The following SLC14A2 variants were observed in gnomAD, a reference collection of about 807,000 sequenced individuals.
SLC14A2 encodes solute carrier family 14 member 2, also known as urea transporter 2.
A neutral mutation model predicts 104.6 loss-of-function variants in SLC14A2; 91 were observed. That is an observed-to-expected ratio of 0.87 (90% CI 0.73 to 1.04). The LOEUF (loss-of-function observed/expected upper bound fraction) is 1.04. Among genes scored for constraint, SLC14A2 ranks in the 50% least tolerant of loss-of-function variants. The pLI, the probability that SLC14A2 is intolerant of heterozygous loss-of-function variation, is 0.00. For synonymous variants in SLC14A2, 476 were observed against 466.4 expected, an observed-to-expected ratio of 1.02 and a Z score of -0.27; for missense variants, 1,189 against 1,156.0, an observed-to-expected ratio of 1.03 and a Z score of -0.41.
intron 1 of SLC14A2, among the ~76,000 whole-genome samples, chr18:45,399,337 G>T (rs983047503): frequency 6.6e-6 from 1 of 152,194 alleles, no homozygotes; most frequent in African/African-American, 2.4e-5. Context: ...AGGCAAGCTT[G>T]CAGTGCTGAG....
rs367643331 is a variant in SLC14A2, at chr18:45,557,218, C to A, written c.-34-67413C>A. On this transcript the variant is annotated intron_variant, in intron 2 of 20. Coordinates refer to the SLC14A2 transcript ENST00000586448. Reference sequence around the variant, plus strand: ...CAGTTCAATAGACATTTGACTGCTGCAGCTTTGTAACCTGCTTCATTCTCA... The same window carrying A: ...CAGTTCAATAGACATTTGACTGCTGAAGCTTTGTAACCTGCTTCATTCTCA... Among the ~76,000 whole-genome samples, 7 of 152,344 alleles carry A rather than the reference C, an allele frequency of 4.6e-5. 1 individual carries two copies. The East Asian group carries it at 1.2e-3, about 25-fold the overall frequency.
At chr18:45,500,201 T>C (rs1387596727) in intron 2 of SLC14A2, among the ~76,000 whole-genome samples, 1 of 152,220 alleles carries the variant, frequency 6.6e-6, no homozygotes, top group Non-Finnish European at 1.5e-5. Flanking sequence ...TTGGCCTATA[T>C]TGGAACCCAC....
At chr18:45,357,208 C>G (rs2085563039) in intron 1 of SLC14A2, among the ~76,000 whole-genome samples, 1 of 142,564 alleles carries the variant, frequency 7.0e-6, no homozygotes, top group South Asian at 2.3e-4. Context: ...TTCCCTCATT[C>G]TTTCCTGAGG....
intron 2 of SLC14A2, among the ~76,000 whole-genome samples, chr18:45,496,433 C>A (rs2043098804): frequency 6.6e-6 from 1 of 152,108 alleles, no homozygotes; most frequent in South Asian, 2.1e-4. Context: ...GGGCACCATC[C>A]AATTGGCTGC....
chr18:45,464,614 T>A (rs1244625491), intron 1 of SLC14A2, among the ~76,000 whole-genome samples: 1 of 152,190 alleles, frequency 6.6e-6, no homozygotes, highest in East Asian at 1.9e-4. Context: ...TAATTTCTAT[T>A]TTTTGCTGCT....
At chr18:45,389,057 G>T (rs185714952) in intron 1 of SLC14A2, among the ~76,000 whole-genome samples, 1 of 152,302 alleles carries the variant, frequency 6.6e-6, no homozygotes, top group African/African-American at 2.4e-5. Context: ...AAAACCTTTT[G>T]ATTTCAAATC....
rs189662899 is a variant in SLC14A2 at position 45,271,107 on chromosome 18, T to G, written c.-125+57916T>G. Among the ~76,000 whole-genome samples the G allele has an allele frequency of 1.1e-4, 17 of 152,306 alleles. 1 individual carries two copies. In the East Asian group the frequency reaches 3.3e-3, roughly 29 times the overall value. The stretch of plus-strand genomic sequence containing the variant: ...TGAAGCTTAGATGGTGGATCCCACT[T>G]TCAGATAAAGAACATTGGTGATGCA... On this transcript the variant is annotated intron_variant, in intron 1 of 20. Coordinates refer to the SLC14A2 transcript ENST00000586448.
At chr18:45,562,630 C>T (rs1045345310) in intron 2 of SLC14A2, among the ~76,000 whole-genome samples, 8 of 152,164 alleles carry the variant, frequency 5.3e-5, no homozygotes, top group Non-Finnish European at 7.3e-5. Flanking sequence ...GTCCATGTGG[C>T]TTGTTGGCCC....
chr18:45,541,981 A>T (rs1052257633), intron 2 of SLC14A2, among the ~76,000 whole-genome samples: 3 of 144,370 alleles, frequency 2.1e-5, no homozygotes, highest in Middle Eastern at 3.8e-3. Flanking sequence ...AACTTCTTTG[A>T]CAGCCATTAC....
intron 1 of SLC14A2, among the ~76,000 whole-genome samples, chr18:45,348,032 C>T (rs1167656330): frequency 6.6e-6 from 1 of 152,174 alleles, no homozygotes; most frequent in Admixed American, 6.5e-5. Flanking sequence ...ATGGTAAGCA[C>T]GAAGTGGAAT....
chr18:45,510,664 T>C (rs978653501), intron 2 of SLC14A2, among the ~76,000 whole-genome samples: 2 of 150,032 alleles, frequency 1.3e-5, no homozygotes, highest in African/African-American at 4.9e-5. Context: ...ATACTTGGGT[T>C]TCTACCCACC....
intron 1 of SLC14A2, among the ~76,000 whole-genome samples, chr18:45,388,747 G>T (rs140623258): frequency 6.6e-6 from 1 of 152,264 alleles, no homozygotes; most frequent in African/African-American, 2.4e-5. Flanking sequence ...TGAAGAAGAG[G>T]TACAAACTCT....
At chr18:45,497,294 C>T (rs1256504350) in intron 2 of SLC14A2, among the ~76,000 whole-genome samples, 3 of 152,184 alleles carry the variant, frequency 2.0e-5, no homozygotes, top group Non-Finnish European at 4.4e-5. Context: ...ACAGTTAATT[C>T]AACAACCGTG....
At chr18:45,195,052 CA>C in the SLC14A2 span, among the ~76,000 whole-genome samples, 1 of 152,172 alleles carries the variant, frequency 6.6e-6, no homozygotes, top group Non-Finnish European at 1.5e-5. Flanking sequence ...TCCATAAAGG[CA>C]AACGTCTCAG....
At chr18:45,468,397 A>G (rs1213302241) in intron 1 of SLC14A2, among the ~76,000 whole-genome samples, 1 of 152,076 alleles carries the variant, frequency 6.6e-6, no homozygotes, top group African/African-American at 2.4e-5. Context: ...TTAATCATCT[A>G]GAGTTCTGGA....
At chr18:45,658,993 G>A (rs747264954) in intron 10 of SLC14A2, among the ~76,000 whole-genome samples, 2 of 152,168 alleles carry the variant, frequency 1.3e-5, no homozygotes, top group Non-Finnish European at 1.5e-5. Context: ...GGCAGGGACC[G>A]TGCCCCTGAA....
At chr18:45,242,896 A>G (rs1200720005) in intron 1 of SLC14A2, among the ~76,000 whole-genome samples, 2 of 152,204 alleles carry the variant, frequency 1.3e-5, no homozygotes, top group African/African-American at 4.8e-5. Context: ...TGCTACTCCC[A>G]GGTTTGGCCT....
chr18:45,533,792 G>A (rs541152712), intron 2 of SLC14A2, among the ~76,000 whole-genome samples: 13 of 152,100 alleles, frequency 8.5e-5, no homozygotes, highest in Admixed American at 5.9e-4. Flanking sequence ...TGTGATGTTA[G>A]GGTGTTAGTT....
chr18:45,324,572 T>C (rs1208856745), intron 1 of SLC14A2, among the ~76,000 whole-genome samples: 1 of 151,664 alleles, frequency 6.6e-6, no homozygotes, highest in African/African-American at 2.4e-5. Context: ...CCTGGGGCTG[T>C]TACCCTATCC....
Sources: allele counts gnomAD v4.1 joint callset (sites outside exome capture counted in the v4.1 genomes callset), GRCh38; gene constraint gnomAD v4.1.1; transcripts MANE v1.5; gene names NCBI Gene and HGNC (gene_info 2026-07-23, HGNC 2026-07-21).